TXNL4A: variants seen among roughly 807,000 people sequenced by gnomAD.
TXNL4A encodes thioredoxin like 4A, also known as thioredoxin-like protein 4A.
In TXNL4A, 17 loss-of-function variants were observed where a neutral mutation model predicts 14.6. The ratio of observed to expected loss-of-function variants is 1.16; its 90% CI spans 0.80 to 1.74. TXNL4A has a LOEUF of 1.74. Among genes scored for constraint, TXNL4A ranks in the 40% most tolerant of loss-of-function variants. TXNL4A has a pLI of 0.00. For missense variants in TXNL4A, 74 were observed against 195.2 expected (o/e 0.38, Z 3.70); for synonymous variants, 83 against 70.6 (o/e 1.18, Z -0.88).
chr18:80,026,271 T>C (rs572136624), intron 1 of TXNL4A, among the ~76,000 whole-genome samples: 71 of 152,316 alleles, frequency 4.7e-4, no homozygotes, highest in African/African-American at 1.5e-3. Flanking sequence ...CTAAAGCAAT[T>C]AACTTCAAAA....
At chr18:79,998,968 G>A (rs968788173) in intron 1 of TXNL4A, among the ~76,000 whole-genome samples, 14 of 152,242 alleles carry the variant, frequency 9.2e-5, no homozygotes, top group Non-Finnish European at 1.3e-4. Context: ...TATTTAAGAG[G>A]AGAGGATGGA....
In TXNL4A at chr18:79,973,062, C is replaced by A. The variant is rs1482055523; in HGVS notation, c.*623G>T. The A allele has an allele frequency of 6.6e-6, 1 of 152,158 alleles. No individual in the cohort carries two copies. The highest frequency in any genetic ancestry group is 1.9e-4 in the East Asian group (1 of 5,200). The allele number at this position is 152,158 out of a possible 1,614,324, so 9.4% of individuals were successfully genotyped here. On this transcript the variant is annotated 3_prime_UTR_variant, in exon 3 of 3. Coordinates refer to ENST00000269601, the MANE Select transcript of TXNL4A (RefSeq NM_006701.5). The stretch of plus-strand genomic sequence containing the variant: ...TGTAATTAGTTAAGATTAGGCCATG[C>A]TGGAGCAGGGTGGGCCCCAATCCAA...
intron 1 of TXNL4A, among the ~76,000 whole-genome samples, chr18:80,013,432 T>TTTA (rs1160778428): frequency 2.8e-4 from 40 of 141,750 alleles, no homozygotes; most frequent in African/African-American, 6.9e-4. Context: ...CATTAAATAT[T>TTTA]TTATTATTAT....
At position 79,982,909 on chromosome 18, in the gene TXNL4A, T is replaced by C. The variant is rs760435066; in HGVS notation, c.154-5208A>G. On this transcript the variant is annotated intron_variant, in intron 1 of 2. Coordinates refer to ENST00000269601, the MANE Select transcript of TXNL4A (RefSeq NM_006701.5). The surrounding 1 kb of genome is among the most constrained non-coding windows in gnomAD (Gnocchi z 4.0). ...CCAGCAGCATCTGCTGGTGGCGACA[T>C]TTCCACGGTAACCAAGCGCTTGGAG... Among the ~76,000 whole-genome samples, 10 of 152,066 alleles carry C rather than the reference T, an allele frequency of 6.6e-5. No individual in the cohort carries two copies. The highest frequency in any genetic ancestry group is 1.2e-4 in the African/African-American group (5 of 41,414).
At chr18:79,985,223 C>T (rs186783170) in intron 1 of TXNL4A, among the ~76,000 whole-genome samples, 37 of 152,250 alleles carry the variant, frequency 2.4e-4, no homozygotes, top group African/African-American at 8.2e-4. Flanking sequence ...GAAATTGTCT[C>T]GCTTCAAAAC....
chr18:79,991,107 C>CAAAAAA (rs34442066), upstream of TXNL4A, among the ~76,000 whole-genome samples: 1 of 91,622 alleles, frequency 1.1e-5, no homozygotes, highest in African/African-American at 4.5e-5. Context: ...GACTCCGTCT[C>CAAAAAA]AAAAAAAAAA....
chr18:80,018,906 A>G (rs960505498), intron 1 of TXNL4A, among the ~76,000 whole-genome samples: 1 of 152,246 alleles, frequency 6.6e-6, no homozygotes, highest in African/African-American at 2.4e-5. Flanking sequence ...TTGCTAAAAC[A>G]AAACAAGAGT....
intron 2 of TXNL4A, 30 bp downstream of exon 2, chr18:79,977,568 A>G: frequency 6.7e-7 from 1 of 1,490,280 alleles, no homozygotes; most frequent in Non-Finnish European, 9.3e-7. Context: ...GACAATATTC[A>G]ATTTCAGTAA....
intron 2 of TXNL4A, among the ~76,000 whole-genome samples, chr18:79,976,946 T>A (rs534485544): frequency 6.0e-4 from 82 of 136,668 alleles, no homozygotes; most frequent in Non-Finnish European, 8.2e-4. Context: ...TGATAACATA[T>A]TTAATAAATT....
rs190064666 is a variant in TXNL4A, at chr18:80,019,027, C to A, written c.-61+14824G>T. Among the ~76,000 whole-genome samples the A allele has an allele frequency of 5.8e-4, 88 of 152,288 alleles. 2 individuals carry two copies. Among genetic ancestry groups the A allele is most frequent in the Admixed American group, 5.6e-3 (86 of 15,296 alleles). On this transcript the variant is annotated intron_variant, in intron 1 of 2. Coordinates refer to the TXNL4A transcript ENST00000585474. ...ATGTTGGACAAAGCCATTCAACAAG[C>A]CTCTAGGAAGTTCCAAACTTTCCTA...
intron 1 of TXNL4A, among the ~76,000 whole-genome samples, chr18:80,025,589 C>T (rs1008934351): frequency 2.0e-5 from 3 of 152,206 alleles, no homozygotes; most frequent in African/African-American, 4.8e-5. Flanking sequence ...TAACAGGTAG[C>T]GGAGCCCCAG....
At chr18:80,013,128 T>TC (rs2051782721) in intron 1 of TXNL4A, among the ~76,000 whole-genome samples, 1 of 150,610 alleles carries the variant, frequency 6.6e-6, no homozygotes, top group Non-Finnish European at 1.5e-5. Flanking sequence ...AAAAATTTTT[T>TC]TTTTTTTTTT....
At chr18:80,032,204 C>A (rs770444163) in intron 1 of TXNL4A, among the ~76,000 whole-genome samples, 1 of 152,062 alleles carries the variant, frequency 6.6e-6, no homozygotes, top group Non-Finnish European at 1.5e-5. Context: ...GAGCATTCCT[C>A]GTGACGGAGG....
chr18:80,016,957 C>T (rs1011810342), intron 1 of TXNL4A, among the ~76,000 whole-genome samples: 4 of 152,030 alleles, frequency 2.6e-5, no homozygotes, highest in Admixed American at 6.6e-5. Context: ...TTGGGCAGTA[C>T]GGCCATTTTC....
rs567316371 is a variant in TXNL4A, at chr18:79,982,820, T to G, written c.154-5119A>C. On this transcript the variant is annotated intron_variant, in intron 1 of 2. Coordinates refer to ENST00000269601, the MANE Select transcript of TXNL4A (RefSeq NM_006701.5). This position sits in a 1 kb window ranked among gnomAD's most constrained non-coding sequence, Gnocchi z 4.0. ...CCAGCCTCCCACCACCCCATTTTCT[T>G]GGTGAAATGGCATCTGTGGGGTGAC... 6.6e-6 allele frequency among the ~76,000 whole-genome samples: 1 copy of G among 152,072 alleles called. No individual in the cohort carries two copies. Among genetic ancestry groups the G allele is most frequent in the East Asian group, 1.9e-4 (1 of 5,154 alleles).
At chr18:80,029,236 A>G (rs2051905387) in intron 1 of TXNL4A, among the ~76,000 whole-genome samples, 1 of 152,200 alleles carries the variant, frequency 6.6e-6, no homozygotes, top group Non-Finnish European at 1.5e-5. Flanking sequence ...ATCCCAGCAT[A>G]AACAATATTA....
chr18:79,992,993 C>T (rs544140381), upstream of TXNL4A, among the ~76,000 whole-genome samples: 91 of 151,978 alleles, frequency 6.0e-4, no homozygotes, highest in Middle Eastern at 3.4e-3. Flanking sequence ...CCCACCCTTT[C>T]CCCTTTAAAT....
At position 80,010,224 on chromosome 18, in the gene TXNL4A, A is replaced by T. The variant is rs914821041; in HGVS notation, c.-61+23627T>A. 2.6e-5 allele frequency among the ~76,000 whole-genome samples: 4 copies of T among 152,292 alleles called. No individual in the cohort carries two copies. The East Asian group carries it at 7.7e-4, about 29-fold the overall frequency. ...AAAGAAGAAAGCTCTCTGCCAGCAG[A>T]GAGGGGGTCCTGAATGGGGTGGCCA... On this transcript the variant is annotated intron_variant, in intron 1 of 2. Coordinates refer to the TXNL4A transcript ENST00000585474.
At chr18:80,026,665 AC>A (rs1243995959) in intron 1 of TXNL4A, among the ~76,000 whole-genome samples, 1 of 152,064 alleles carries the variant, frequency 6.6e-6, no homozygotes, top group African/African-American at 2.4e-5. Flanking sequence ...TTAAGTACAA[AC>A]CTTTACTTTC....
Sources: gnomAD v4.1 joint callset for allele counts (sites outside exome capture counted in the v4.1 genomes callset) on GRCh38, gnomAD v4.1.1 for gene constraint, Gnocchi (gnomAD v3.1) non-coding constraint, MANE v1.5 for transcripts, NCBI Gene and HGNC (gene_info 2026-07-23, HGNC 2026-07-21) for gene names.